Variants in JAKMIP2 observed in about 807,000 individuals in gnomAD.
The protein encoded by JAKMIP2 is janus kinase and microtubule interacting protein 2.
In JAKMIP2, 25 loss-of-function variants were observed where a neutral mutation model predicts 115.0. That is an observed-to-expected ratio of 0.22 (90% CI 0.16 to 0.30). JAKMIP2 has a LOEUF of 0.30. Among genes scored for constraint, JAKMIP2 ranks in the 10% least tolerant of loss-of-function variants. The pLI is 1.00. For synonymous variants in JAKMIP2, 334 were observed against 343.6 expected, an observed-to-expected ratio of 0.97 and a Z score of 0.31; for missense variants, 642 against 957.6, an observed-to-expected ratio of 0.67 and a Z score of 4.35.
intron 1 of JAKMIP2, among the ~76,000 whole-genome samples, chr5:147,773,208 A>T (rs1755430211): frequency 6.6e-6 from 1 of 152,124 alleles, no homozygotes; most frequent in Non-Finnish European, 1.5e-5. Flanking sequence ...ACCTAGGGGG[A>T]AGTGCATCTT....
intron 2 of JAKMIP2, among the ~76,000 whole-genome samples, chr5:147,663,587 C>A (rs550582713): frequency 6.6e-6 from 1 of 152,310 alleles, no homozygotes; most frequent in African/African-American, 2.4e-5. Flanking sequence ...ATACATCTAT[C>A]CTATTAGTTC....
intron 20 of JAKMIP2, 116 bp downstream of exon 20, chr5:147,612,190 C>G: frequency 1.3e-6 from 1 of 794,016 alleles, no homozygotes; most frequent in South Asian, 1.3e-5. Context: ...TGTAACTATA[C>G]CTGCCTCTGC....
chr5:147,639,642 C>T lies in JAKMIP2; in HGVS notation c.1520G>A (p.Arg507Gln). Residue 507 changes from arginine to glutamine, a missense_variant, in exon 10 of 22, where the codon CGA (arginine) becomes CAA (glutamine). Coordinates refer to ENST00000616793, the MANE Select transcript of JAKMIP2 (RefSeq NM_001270941.2). ...CAGATACACACTAACCTTGGCTTCT[C>T]GTTCAGCGTCGATGATGCCTCCCGT... ...EQTGGIIDAE[R>Q]EAKAQEQLQA... is the part of the protein sequence containing the mutation. 3.7e-6 allele frequency: 6 copies of T among 1,612,768 alleles called. No homozygotes were observed. The highest frequency in any genetic ancestry group is 5.1e-6 in the Non-Finnish European group (6 of 1,179,466).
chr5:147,635,469 C>T (rs1289647788), intron 12 of JAKMIP2, among the ~76,000 whole-genome samples: 2 of 151,976 alleles, frequency 1.3e-5, no homozygotes, highest in African/African-American at 4.8e-5. Context: ...GGAATCTAAG[C>T]CTATGCTAGG....
intron 20 of JAKMIP2, among the ~76,000 whole-genome samples, chr5:147,611,371 A>C (rs1000357637): frequency 3.3e-5 from 5 of 152,144 alleles, no homozygotes; most frequent in Non-Finnish European, 1.5e-5. Flanking sequence ...AGAAAAGTGT[A>C]GTATCTGGGC....
chr5:147,782,699 C>T lies in JAKMIP2; in HGVS notation c.-392G>A, dbSNP rs1755810130. On this transcript the variant is annotated 5_prime_UTR_variant, in exon 1 of 22. Transcript: ENST00000616793. ...GCAGCAGCAGCATCACCAGTTGGGC[C>T]TCCTCCCTCTCGGAGGATGGGGTGA... 14 of 625,736 alleles carry T rather than the reference C, an allele frequency of 2.2e-5. No individual in the cohort carries two copies. In the East Asian group the frequency reaches 2.9e-4, roughly 13 times the overall value. 38.8% of individuals were successfully genotyped at this position (625,736 alleles called of 1,614,324 possible).
chr5:147,598,419 C>A (rs531010064), intron 21 of JAKMIP2, among the ~76,000 whole-genome samples: 17 of 75,376 alleles, frequency 2.3e-4, no homozygotes, highest in African/African-American at 8.3e-4. Context: ...AAGCCGCTCT[C>A]ATTTTCATCT....
At position 147,588,496 on chromosome 5, in the gene JAKMIP2, T is replaced by G. The variant is rs1754970018; in HGVS notation, c.*3211A>C. The G allele has an allele frequency of 6.6e-6, 1 of 151,330 alleles. No individual in the cohort carries two copies. Among genetic ancestry groups the G allele is most frequent in the African/African-American group, 2.4e-5 (1 of 41,148 alleles). 9.4% of individuals were successfully genotyped at this position (151,330 alleles called of 1,614,324 possible). ...CGGTCCATTTCCATGGATCCATGAG[T>G]GACTGGAACACATATCCACAATTTT... On this transcript the variant is annotated 3_prime_UTR_variant, in exon 22 of 22. Transcript: ENST00000616793.
chr5:147,606,140 C>A (rs10937724), intron 20 of JAKMIP2, among the ~76,000 whole-genome samples: 1 of 151,994 alleles, frequency 6.6e-6, no homozygotes, highest in Non-Finnish European at 1.5e-5. Context: ...GTTATCTGTT[C>A]ACTCTGATGA....
chr5:147,713,313 C>T (rs531862653), intron 1 of JAKMIP2, among the ~76,000 whole-genome samples: 10 of 152,076 alleles, frequency 6.6e-5, no homozygotes, highest in East Asian at 5.8e-4. Flanking sequence ...CATTTTTTTA[C>T]GTGAGACATT....
chr5:147,598,581 T>C (rs888826276), intron 21 of JAKMIP2, among the ~76,000 whole-genome samples: 1 of 152,168 alleles, frequency 6.6e-6, no homozygotes, highest in Non-Finnish European at 1.5e-5. Flanking sequence ...GATAATATCT[T>C]CTGGAACTAC....
intron 1 of JAKMIP2, among the ~76,000 whole-genome samples, chr5:147,677,853 C>T (rs755710023): frequency 3.3e-5 from 5 of 152,156 alleles, no homozygotes; most frequent in African/African-American, 7.2e-5. Flanking sequence ...ACTTTCCTAG[C>T]AACTTTTAAG....
intron 4 of JAKMIP2, among the ~76,000 whole-genome samples, chr5:147,649,830 A>G (rs909268927): frequency 6.6e-6 from 1 of 152,160 alleles, no homozygotes; most frequent in Non-Finnish European, 1.5e-5. Context: ...CGCACTTCCG[A>G]AAATAATTTC....
At position 147,782,459 on chromosome 5, in the gene JAKMIP2, G is replaced by T. The variant is rs1194556893; in HGVS notation, c.-152C>A. On this transcript the variant is annotated 5_prime_UTR_variant, in exon 1 of 22. Coordinates refer to ENST00000616793, the MANE Select transcript of JAKMIP2 (RefSeq NM_001270941.2). ...AGCCCTACTGTTTCCTACTCACCAT[G>T]CTGAGACCCGGAGAAGCTGTTTAAA... is the stretch of plus-strand genomic sequence containing the variant. 1.2e-5 allele frequency: 18 copies of T among 1,535,840 alleles called. No homozygotes were observed. Among genetic ancestry groups the T allele is most frequent in the Non-Finnish European group, 1.5e-5 (17 of 1,146,820 alleles).
chr5:147,638,971 T>G (rs1443998007), intron 10 of JAKMIP2, among the ~76,000 whole-genome samples: 2 of 152,166 alleles, frequency 1.3e-5, no homozygotes, highest in Non-Finnish European at 2.9e-5. Flanking sequence ...CAGCAAGCAC[T>G]CAATAAATAT....
chr5:147,631,408 C>A lies in JAKMIP2; in HGVS notation c.1875+5G>T. On this transcript the variant is annotated splice_donor_5th_base_variant and intron_variant, in intron 14 of 21. Coordinates refer to ENST00000616793, the MANE Select transcript of JAKMIP2 (RefSeq NM_001270941.2). ...ACAAACATAAAAAATGAAATATCTGCCTACCTTAACACCTTCTTTCATACA... is the reference window on the plus strand; with the variant it reads ...ACAAACATAAAAAATGAAATATCTGACTACCTTAACACCTTCTTTCATACA... 6.4e-7 allele frequency: 1 copy of A among 1,553,462 alleles called. No homozygotes were observed.
In JAKMIP2 at chr5:147,612,292, A is replaced by T. The variant is rs563937588; in HGVS notation, c.2412+14T>A. The T allele has an allele frequency of 6.8e-7, 1 of 1,466,186 alleles. No homozygotes were observed. Among genetic ancestry groups the T allele is most frequent in the African/African-American group, 1.4e-5 (1 of 71,844 alleles). 90.8% of individuals were successfully genotyped at this position (1,466,186 alleles called of 1,614,324 possible). On this transcript the variant is annotated intron_variant, in intron 20 of 21. Transcript: ENST00000616793. ...TAAACAAATAATAAGATAGTTATTG[A>T]ATTTGACACCTACCTTTTCTTCTAA...
chr5:147,748,783 A>G (rs1216694013), intron 1 of JAKMIP2, among the ~76,000 whole-genome samples: 3 of 152,140 alleles, frequency 2.0e-5, no homozygotes, highest in African/African-American at 7.2e-5. Flanking sequence ...CCTTATGCAA[A>G]TAGCACACTT....
chr5:147,751,474 TC>T (rs1338601537), intron 1 of JAKMIP2, among the ~76,000 whole-genome samples: 1 of 152,008 alleles, frequency 6.6e-6, no homozygotes, highest in Non-Finnish European at 1.5e-5. Context: ...AGTTTGGCTT[TC>T]CTACTTTAAA....
Sources: gnomAD v4.1 joint callset for allele counts (sites outside exome capture counted in the v4.1 genomes callset) on GRCh38, gnomAD v4.1.1 for gene constraint, MANE v1.5 for transcripts, NCBI Gene and HGNC (gene_info 2026-07-23, HGNC 2026-07-21) for gene names.